HMCN1: variants seen among roughly 807,000 people sequenced by gnomAD.
HMCN1 encodes hemicentin 1.
In HMCN1, 321 loss-of-function variants were observed where a neutral mutation model predicts 625.9. That is an observed-to-expected ratio of 0.51 (90% CI 0.47 to 0.56). The LOEUF (loss-of-function observed/expected upper bound fraction) is 0.56, where lower values mean the gene tolerates loss of function less well. Among genes scored for constraint, HMCN1 ranks in the 20% least tolerant of loss-of-function variants. The probability of loss-of-function intolerance (pLI) is 0.00; values close to 1 mark genes in which losing one functional copy is unlikely to be tolerated. For synonymous variants in HMCN1, 2,425 were observed against 2,417.6 expected (o/e 1.00, Z -0.09); for missense variants, 6,588 against 6,887.3 (o/e 0.96, Z 1.54).
chr1:185,738,194 A>C (rs951096712), intron 1 of HMCN1, among the ~76,000 whole-genome samples: 2 of 152,186 alleles, frequency 1.3e-5, no homozygotes, highest in African/African-American at 4.8e-5. Context: ...AAAGTGTACA[A>C]TTTGATGCTT....
At position 186,069,645 on chromosome 1, in the gene HMCN1, T is replaced by A. The variant is rs1397027844; in HGVS notation, c.7880-18T>A. ...CACTGTGATTTTAGAGACTCTTTGA[T>A]GTCCCATGATTTTACAGGAGGCAGA... On this transcript the variant is annotated intron_variant, in intron 50 of 106. Coordinates refer to ENST00000271588, the MANE Select transcript of HMCN1 (RefSeq NM_031935.3). The A allele has an allele frequency of 1.3e-6, 2 of 1,527,528 alleles. No homozygotes were observed. The highest frequency in any genetic ancestry group is 1.1e-5 in the South Asian group (1 of 87,570). The allele number at this position is 1,527,528 out of a possible 1,614,324, so 94.6% of individuals were successfully genotyped here.
At chr1:186,007,390 T>C in intron 30 of HMCN1, 108 bp downstream of exon 30, 1 of 1,004,510 alleles carries the variant, frequency 1.0e-6, no homozygotes, top group Non-Finnish European at 1.5e-6. Context: ...TTTGGAATAC[T>C]ACATACTTCA....
chr1:185,767,011 TAA>T (rs5779259), intron 1 of HMCN1, among the ~76,000 whole-genome samples: 3 of 145,434 alleles, frequency 2.1e-5, no homozygotes, highest in Non-Finnish European at 4.5e-5. Flanking sequence ...GAGAAATCAT[TAA>T]AAAAAAAAAA....
chr1:185,980,858 G>A (rs1651580527), intron 16 of HMCN1, 120 bp from the exon 17 acceptor site: 18 of 764,788 alleles, frequency 2.4e-5, no homozygotes, highest in South Asian at 2.3e-4. Context: ...TTCTGTGTAT[G>A]TCCCTTCTTC....
intron 93 of HMCN1, among the ~76,000 whole-genome samples, chr1:186,150,930 CTGAT>C (rs1175508873): frequency 6.6e-6 from 1 of 151,898 alleles, no homozygotes; most frequent in Non-Finnish European, 1.5e-5. Flanking sequence ...GGACTGGACA[CTGAT>C]TGTATTCTTT....
At chr1:185,959,677 A>T (rs900096022) in intron 11 of HMCN1, among the ~76,000 whole-genome samples, 4 of 152,078 alleles carry the variant, frequency 2.6e-5, no homozygotes, top group Admixed American at 6.6e-5. Flanking sequence ...GATAATGATG[A>T]TGGTGGTGAT....
chr1:186,063,066 G>GTGTATATATATATATATATATATATA (rs1491400415), intron 48 of HMCN1, among the ~76,000 whole-genome samples: 1 of 29,938 alleles, frequency 3.3e-5, no homozygotes, highest in African/African-American at 1.8e-4. Flanking sequence ...GTGTGTGTGT[G>GTGTATATATATATATATATATATATA]CATATATATA....
At chr1:186,114,451 G>A (rs1354247832) in intron 73 of HMCN1, among the ~76,000 whole-genome samples, 4 of 152,042 alleles carry the variant, frequency 2.6e-5, no homozygotes, top group Non-Finnish European at 4.4e-5. Context: ...TAGAGATGGG[G>A]TTTCACCAGG....
intron 1 of HMCN1, among the ~76,000 whole-genome samples, chr1:185,789,042 C>T (rs1234744440): frequency 6.6e-6 from 1 of 151,880 alleles, no homozygotes; most frequent in Non-Finnish European, 1.5e-5. Flanking sequence ...ATTAAAATTC[C>T]CAAAGACTTG....
chr1:185,790,386 A>G (rs144074960), intron 1 of HMCN1, among the ~76,000 whole-genome samples: 214 of 152,202 alleles, frequency 1.4e-3, no homozygotes, highest in Non-Finnish European at 1.9e-3. Flanking sequence ...TGATGCTACC[A>G]CTGCTCTGTT....
rs570557099 is a variant in HMCN1 at position 186,038,758 on chromosome 1, C to A, written c.5852-71C>A. On this transcript the variant is annotated intron_variant, in intron 37 of 106. Coordinates refer to ENST00000271588, the MANE Select transcript of HMCN1 (RefSeq NM_031935.3). Reference sequence around the variant, plus strand: ...TAAGAATAAAGTAATAGTGACTTAGCTAAGATCCAACTTAGTATATTTAAT... The same window carrying A: ...TAAGAATAAAGTAATAGTGACTTAGATAAGATCCAACTTAGTATATTTAAT... 23 of 851,562 alleles carry A rather than the reference C, an allele frequency of 2.7e-5. No individual in the cohort carries two copies. In the East Asian group the frequency reaches 3.3e-4, roughly 12 times the overall value. The allele number at this position is 851,562 out of a possible 1,614,324, so 52.8% of individuals were successfully genotyped here.
chr1:186,094,712 A>G (rs1427794049), intron 67 of HMCN1, among the ~76,000 whole-genome samples: 1 of 152,182 alleles, frequency 6.6e-6, no homozygotes, highest in Non-Finnish European at 1.5e-5. Context: ...GGAGTATTCA[A>G]ACTATGAATG....
In HMCN1 at chr1:186,165,185, G is replaced by T. The variant is rs1558274386; in HGVS notation, c.15319+12G>T. 1.2e-6 allele frequency: 2 copies of T among 1,608,394 alleles called. No homozygotes were observed. On this transcript the variant is annotated intron_variant, in intron 98 of 106. Coordinates refer to ENST00000271588, the MANE Select transcript of HMCN1 (RefSeq NM_031935.3). Reference sequence around the variant, plus strand: ...ACCTTTTTGTGCTGGTAAGTACAGAGATAAATAAAGGGTTTTCTTTTAATG... The same window carrying T: ...ACCTTTTTGTGCTGGTAAGTACAGATATAAATAAAGGGTTTTCTTTTAATG...
At chr1:185,953,624 A>G (rs1408566359) in intron 11 of HMCN1, among the ~76,000 whole-genome samples, 1 of 151,816 alleles carries the variant, frequency 6.6e-6, no homozygotes, top group Non-Finnish European at 1.5e-5. Flanking sequence ...ACTGGATTTG[A>G]AATTGGTGAG....
At chr1:186,005,224 ATTT>A (rs1273092205) in intron 29 of HMCN1, among the ~76,000 whole-genome samples, 4 of 126,584 alleles carry the variant, frequency 3.2e-5, no homozygotes, top group Non-Finnish European at 6.8e-5. Flanking sequence ...TTTATAAACA[ATTT>A]TTTAATTGTT....
chr1:185,802,583 GA>G (rs1239216957), intron 1 of HMCN1, among the ~76,000 whole-genome samples: 1 of 152,090 alleles, frequency 6.6e-6, no homozygotes, highest in Non-Finnish European at 1.5e-5. Context: ...AGAAAACCAG[GA>G]CAATGTTATA....
chr1:185,809,828 T>G (rs995134835), intron 1 of HMCN1, among the ~76,000 whole-genome samples: 2 of 152,144 alleles, frequency 1.3e-5, no homozygotes, highest in African/African-American at 4.8e-5. Context: ...TAAGATACTT[T>G]TTGAAACAAT....
chr1:186,139,050 A>G (rs1649795935), intron 89 of HMCN1, among the ~76,000 whole-genome samples: 2 of 152,346 alleles, frequency 1.3e-5, no homozygotes, highest in South Asian at 4.1e-4. Flanking sequence ...TACAACTTGG[A>G]GAGATATCTT....
chr1:186,105,801 T>G (rs548461114), intron 69 of HMCN1, among the ~76,000 whole-genome samples: 7 of 152,310 alleles, frequency 4.6e-5, no homozygotes, highest in African/African-American at 1.7e-4. Context: ...TGAATGATGG[T>G]TCAAGTTTGG....
Sources: gnomAD v4.1 joint callset for allele counts (sites outside exome capture counted in the v4.1 genomes callset) on GRCh38, gnomAD v4.1.1 for gene constraint, MANE v1.5 for transcripts, NCBI Gene and HGNC (gene_info 2026-07-23, HGNC 2026-07-21) for gene names.